Variants in ZDHHC11B observed in about 807,000 individuals in gnomAD.
ZDHHC11B encodes the protein probable palmitoyltransferase ZDHHC11B.
In ZDHHC11B, 17 loss-of-function variants were observed where a neutral mutation model predicts 42.3. The observed-to-expected ratio is 0.40, with a 90% CI of 0.27 to 0.60. The LOEUF is 0.60. Among genes scored for constraint, ZDHHC11B ranks in the 20% least tolerant of loss-of-function variants. The probability of loss-of-function intolerance (pLI) is 0.41; values close to 1 mark genes in which losing one functional copy is unlikely to be tolerated. For missense variants in ZDHHC11B, 262 were observed against 463.2 expected (o/e 0.57, Z 3.99); for synonymous variants, 123 against 193.5 (o/e 0.64, Z 3.02).
rs1554042038 is a variant in ZDHHC11B at position 766,687 on chromosome 5, G to A, written c.222+11C>T. ...CCTCCCGCTTAGACCATGCCACGAT[G>A]AAAAGGATACCACATAGGCGATGTA... is the stretch of plus-strand genomic sequence containing the variant. On this transcript the variant is annotated intron_variant, in intron 4 of 13. Coordinates refer to ENST00000508859, the MANE Select transcript of ZDHHC11B (RefSeq NM_001351303.2). The A allele has an allele frequency of 4.4e-6, 7 of 1,601,460 alleles. No individual in the cohort carries two copies. The highest frequency in any genetic ancestry group is 3.3e-4 in the Middle Eastern group (2 of 6,042).
chr5:776,944 C>T (rs1323541563), intron 1 of ZDHHC11B, among the ~76,000 whole-genome samples: 10 of 151,920 alleles, frequency 6.6e-5, no homozygotes, highest in African/African-American at 2.2e-4. Context: ...CAGCCCAGGC[C>T]GCCTGTCAGG....
chr5:776,770 C>G (rs1736531785), intron 1 of ZDHHC11B, among the ~76,000 whole-genome samples: 1 of 151,954 alleles, frequency 6.6e-6, no homozygotes, highest in Non-Finnish European at 1.5e-5. Context: ...GAGGTGCTTC[C>G]CCATTAAACA....
intron 9 of ZDHHC11B, among the ~76,000 whole-genome samples, chr5:744,452 G>C (rs1744514007): frequency 1.3e-5 from 2 of 148,742 alleles, no homozygotes; most frequent in South Asian, 4.6e-4. Flanking sequence ...TTCTTCACTG[G>C]GAGATTTTAA....
chr5:714,928 A>G (rs1741635933), intron 13 of ZDHHC11B, among the ~76,000 whole-genome samples: 2 of 151,088 alleles, frequency 1.3e-5, no homozygotes, highest in African/African-American at 4.9e-5. Context: ...AACCCATGAG[A>G]CCTTGTTGTT....
intron 1 of ZDHHC11B, among the ~76,000 whole-genome samples, chr5:770,053 C>A (rs1301824330): frequency 6.6e-6 from 1 of 151,782 alleles, no homozygotes; most frequent in Admixed American, 6.6e-5. Flanking sequence ...TTCGAGGGGT[C>A]CCCCGGGGAC....
chr5:723,613 C>G lies in ZDHHC11B; in HGVS notation c.1059-6748G>C, dbSNP rs539315471. ...GGGGTATCAGAGCAACAGGATCAGA[C>G]GCAGGTCCTGGACTGAGCCTGCAGC... On this transcript the variant is annotated intron_variant, in intron 12 of 13. Coordinates refer to ENST00000508859, the MANE Select transcript of ZDHHC11B (RefSeq NM_001351303.2). Among the ~76,000 whole-genome samples the G allele has an allele frequency of 2.0e-4, 22 of 110,822 alleles. 5 individuals carry two copies. The highest frequency in any genetic ancestry group is 4.5e-4 in the Non-Finnish European group (20 of 44,924). The allele number at this position is 110,822 out of a possible 152,430, so 72.7% of individuals were successfully genotyped here.
chr5:717,227 C>G (rs1429203170), intron 12 of ZDHHC11B, among the ~76,000 whole-genome samples: 3 of 151,160 alleles, frequency 2.0e-5, no homozygotes, highest in Non-Finnish European at 4.4e-5. Flanking sequence ...GTACCTTCTT[C>G]TCACAACTCT....
intron 6 of ZDHHC11B, among the ~76,000 whole-genome samples, chr5:753,604 C>T (rs557734405): frequency 1.4e-5 from 2 of 147,408 alleles, no homozygotes; most frequent in East Asian, 4.5e-4. Context: ...GCACCTGGGG[C>T]TAGCATGAGC....
At chr5:763,546 G>A (rs2150209437) in intron 4 of ZDHHC11B, among the ~76,000 whole-genome samples, 1 of 151,888 alleles carries the variant, frequency 6.6e-6, no homozygotes, top group African/African-American at 2.4e-5. Context: ...TAGACTGAGG[G>A]GCCTCCTGTG....
intron 12 of ZDHHC11B, among the ~76,000 whole-genome samples, chr5:721,142 T>C (rs11745062): frequency 0.16 from 23,394 of 146,308 alleles, 957 homozygotes; most frequent in African/African-American, 0.27. Context: ...TAGGGTGTTA[T>C]ACATTTAAGA....
intron 7 of ZDHHC11B, among the ~76,000 whole-genome samples, chr5:750,877 C>T (rs1414149624): frequency 1.6e-5 from 2 of 125,478 alleles, no homozygotes; most frequent in African/African-American, 2.6e-5. Flanking sequence ...CACTGTCTCT[C>T]GCCTGACACG....
chr5:762,164 C>T (rs1734714658), intron 4 of ZDHHC11B, among the ~76,000 whole-genome samples: 1 of 151,530 alleles, frequency 6.6e-6, no homozygotes, highest in Non-Finnish European at 1.5e-5. Context: ...ACTCAACTCA[C>T]AGCCCTGGAC....
At chr5:730,514 T>C in intron 11 of ZDHHC11B, 46 bp from the exon 12 acceptor site, 1 of 1,533,268 alleles carries the variant, frequency 6.5e-7, no homozygotes, top group East Asian at 2.5e-5. Flanking sequence ...ACAAAGACCT[T>C]GTTGACATTA....
intron 10 of ZDHHC11B, among the ~76,000 whole-genome samples, chr5:735,869 A>C (rs1021873189): frequency 6.7e-6 from 1 of 148,618 alleles, no homozygotes; most frequent in Non-Finnish European, 1.5e-5. Flanking sequence ...ACCTCCTTAA[A>C]GCATAAATCT....
At chr5:750,316 G>A (rs114205606) in intron 7 of ZDHHC11B, among the ~76,000 whole-genome samples, 8,762 of 132,718 alleles carry the variant, frequency 0.066, 983 homozygotes, top group African/African-American at 0.18. Context: ...AGTTGAGCGC[G>A]CTGCCTCCGC....
chr5:731,408 G>A (rs929135094), intron 11 of ZDHHC11B, among the ~76,000 whole-genome samples: 9 of 149,666 alleles, frequency 6.0e-5, no homozygotes, highest in Non-Finnish European at 1.0e-4. Flanking sequence ...CTTTCTTGCA[G>A]CTACTCTAAT....
At chr5:762,025 C>A (rs1579406963) in intron 4 of ZDHHC11B, among the ~76,000 whole-genome samples, 1 of 150,464 alleles carries the variant, frequency 6.6e-6, no homozygotes, top group South Asian at 2.1e-4. Context: ...CAACTCACAG[C>A]CCTGGAGAGC....
intron 1 of ZDHHC11B, among the ~76,000 whole-genome samples, chr5:783,296 C>T (rs1355292917): frequency 1.4e-4 from 22 of 152,324 alleles, no homozygotes; most frequent in African/African-American, 3.6e-4. Context: ...GGCTGACAGG[C>T]GCGAGAGCCC....
At chr5:735,708 G>A (rs2127017725) in intron 10 of ZDHHC11B, among the ~76,000 whole-genome samples, 1 of 148,184 alleles carries the variant, frequency 6.7e-6, no homozygotes, top group East Asian at 2.1e-4. Flanking sequence ...TTTGTATTCA[G>A]CAAAACTATG....
Sources: allele counts gnomAD v4.1 joint callset (sites outside exome capture counted in the v4.1 genomes callset), GRCh38; gene constraint gnomAD v4.1.1; transcripts MANE v1.5; gene names NCBI Gene and HGNC (gene_info 2026-07-23, HGNC 2026-07-21).